Variants in SLC45A4 observed in about 807,000 individuals in gnomAD.
SLC45A4 encodes solute carrier family 45 member 4.
A neutral mutation model predicts 63.7 loss-of-function variants in SLC45A4; 32 were observed. The observed-to-expected ratio is 0.50, with a 90% CI of 0.38 to 0.67. The LOEUF is 0.67. Among genes scored for constraint, SLC45A4 ranks in the 30% least tolerant of loss-of-function variants. The pLI is 0.00. For synonymous variants in SLC45A4, 535 were observed against 510.0 expected (o/e 1.05, Z -0.66); for missense variants, 1,027 against 1,157.7 (o/e 0.89, Z 1.64).
At chr8:141,303,290 C>G (rs1830803997) in intron 1 of SLC45A4, among the ~76,000 whole-genome samples, 1 of 150,040 alleles carries the variant, frequency 6.7e-6, no homozygotes, top group South Asian at 2.1e-4. Context: ...TGCCATCGTG[C>G]CCGGCTAATT....
intron 1 of SLC45A4, among the ~76,000 whole-genome samples, chr8:141,258,159 G>A (rs1327891259): frequency 4.8e-5 from 7 of 146,678 alleles, no homozygotes; most frequent in Non-Finnish European, 7.4e-5. Context: ...CGCTGGATCT[G>A]CCCCCTGGGT....
chr8:141,267,064 C>T (rs1193144564), intron 1 of SLC45A4, among the ~76,000 whole-genome samples: 3 of 152,206 alleles, frequency 2.0e-5, no homozygotes, highest in Non-Finnish European at 4.4e-5. Context: ...CCCTGAACTG[C>T]GGGGGCTGGC....
intron 1 of SLC45A4, among the ~76,000 whole-genome samples, chr8:141,282,915 G>C (rs960956117): frequency 6.6e-6 from 1 of 152,232 alleles, no homozygotes; most frequent in African/African-American, 2.4e-5. Flanking sequence ...GGGGTCACAC[G>C]ATGTCAGCGC....
intron 2 of SLC45A4, among the ~76,000 whole-genome samples, chr8:141,231,822 T>G (rs1218367044): frequency 1.3e-5 from 2 of 152,202 alleles, no homozygotes; most frequent in Non-Finnish European, 2.9e-5. Flanking sequence ...GACTGCTCTG[T>G]GTGCGCGAAG....
At position 141,211,081 on chromosome 8, in the gene SLC45A4, G is replaced by C. The variant is rs924786728; in HGVS notation, c.*491C>G. ...ATGGAGTTCCGACAGGTTCCAGCAC[G>C]CATGTCCCCTTCGCAAGCGGGGGAG... is the stretch of plus-strand genomic sequence containing the variant. On this transcript the variant is annotated 3_prime_UTR_variant, in exon 9 of 9. Coordinates refer to ENST00000517878, the MANE Select transcript of SLC45A4 (RefSeq NM_001286646.2). 1 of 195,718 alleles carries C rather than the reference G, an allele frequency of 5.1e-6. No individual in the cohort carries two copies. The highest frequency in any genetic ancestry group is 1.0e-5 in the Non-Finnish European group (1 of 96,186). The allele number at this position is 195,718 out of a possible 1,614,324, so 12.1% of individuals were successfully genotyped here. A position where few individuals can be genotyped will look rare whatever the true frequency, so the allele number is the denominator to read the frequency against.
chr8:141,223,388 C>A (rs961170879), intron 2 of SLC45A4, among the ~76,000 whole-genome samples: 3 of 152,212 alleles, frequency 2.0e-5, no homozygotes, highest in Non-Finnish European at 4.4e-5. Context: ...TAATAATGAT[C>A]CATCAGGAAG....
intron 2 of SLC45A4, among the ~76,000 whole-genome samples, chr8:141,252,742 T>C (rs74983423): frequency 5.3e-5 from 6 of 113,158 alleles, no homozygotes; most frequent in South Asian, 2.9e-4. Flanking sequence ...CGTGTTTTCA[T>C]GCCCACCTGC....
At chr8:141,237,869 C>T (rs1281537736) in intron 2 of SLC45A4, among the ~76,000 whole-genome samples, 4 of 152,168 alleles carry the variant, frequency 2.6e-5, no homozygotes, top group Admixed American at 6.5e-5. Context: ...GTAGGTGCTC[C>T]GTAAGTACTT....
At chr8:141,283,506 A>G (rs1309480343) in intron 1 of SLC45A4, among the ~76,000 whole-genome samples, 1 of 152,266 alleles carries the variant, frequency 6.6e-6, no homozygotes, top group Non-Finnish European at 1.5e-5. Context: ...TGGATGTCCC[A>G]ACCGCTCCAG....
At position 141,212,381 on chromosome 8, in the gene SLC45A4, C is replaced by T; in HGVS notation, c.2117G>A (p.Gly706Asp). 4 of 1,613,702 alleles carry T rather than the reference C, an allele frequency of 2.5e-6. No homozygotes were observed. Among genetic ancestry groups the T allele is most frequent in the Non-Finnish European group, 3.4e-6 (4 of 1,180,032 alleles). Reference sequence around the variant, plus strand: ...CACCAGGAATGTGGCCGTCAGGAAGCCCAGGAAAGAGCCCACAGAGGCCAC... The same window carrying T: ...CACCAGGAATGTGGCCGTCAGGAAGTCCAGGAAAGAGCCCACAGAGGCCAC... ...PMVASVGSFL[G>D]FLTATFLVIY... Residue 706 changes from glycine (G) to aspartate (D), a missense_variant, in exon 8 of 9, where the codon GGC becomes GAC. By Grantham distance (94) the Gly-to-Asp change is moderately conservative. Transcript: ENST00000517878.
intron 1 of SLC45A4, among the ~76,000 whole-genome samples, chr8:141,282,444 T>C (rs1427675155): frequency 1.3e-5 from 2 of 152,188 alleles, no homozygotes; most frequent in Non-Finnish European, 2.9e-5. Context: ...TCCACCAAAC[T>C]GCACTTCTGA....
At chr8:141,212,015 T>C (rs1240103817) in intron 8 of SLC45A4, 182 bp downstream of exon 8, 1 of 1,318,676 alleles carries the variant, frequency 7.6e-7, no homozygotes, top group Non-Finnish European at 9.6e-7. Context: ...AGCTCAAACC[T>C]ACCCTACGAC....
Position 141,227,352 on chromosome 8 carries a change from C to T in SLC45A4, c.242-5587G>A, listed in dbSNP as rs767582483. ...TGGGGAGGGCAAGGAGTGGGAAAGT[C>T]GCCTATAAATGTTTAACAAAAGATC... On this transcript the variant is annotated intron_variant, in intron 2 of 8. Transcript: ENST00000517878. This position sits in a 1 kb window ranked among gnomAD's most constrained non-coding sequence, Gnocchi z 4.4. 1.3e-5 allele frequency among the ~76,000 whole-genome samples: 2 copies of T among 152,074 alleles called. No individual in the cohort carries two copies. Among genetic ancestry groups the T allele is most frequent in the Non-Finnish European group, 2.9e-5 (2 of 68,022 alleles).
At position 141,256,284 on chromosome 8, in the gene SLC45A4, A is replaced by G. The variant is rs900994158; in HGVS notation, c.-400-1655T>C. 1.3e-5 allele frequency among the ~76,000 whole-genome samples: 2 copies of G among 152,210 alleles called. No homozygotes were observed. Among genetic ancestry groups the G allele is most frequent in the Admixed American group, 1.3e-4 (2 of 15,286 alleles). ...CTGAAGTGTTAGAGCCCCTAAAAACACACCTAAATGGTGTTCACAGTTTAT... is the reference window on the plus strand; with the variant it reads ...CTGAAGTGTTAGAGCCCCTAAAAACGCACCTAAATGGTGTTCACAGTTTAT... On this transcript the variant is annotated intron_variant, in intron 1 of 8. Coordinates refer to ENST00000517878, the MANE Select transcript of SLC45A4 (RefSeq NM_001286646.2). This position sits in a 1 kb window ranked among gnomAD's most constrained non-coding sequence, Gnocchi z 4.3.
rs575879209 is a variant in SLC45A4 at position 141,294,791 on chromosome 8, G to C, written c.-401+13305C>G. ...CCCAGTTGGTGCGGGACCCCTGGGA[G>C]GGAGGCACCCTGGGAGGGAATCAGC... On this transcript the variant is annotated intron_variant, in intron 1 of 8. Transcript: ENST00000517878. Among the ~76,000 whole-genome samples, 13 of 152,292 alleles carry C rather than the reference G, an allele frequency of 8.5e-5. No homozygotes were observed. In the East Asian group the frequency reaches 2.5e-3, roughly 29 times the overall value.
At chr8:141,248,924 G>A (rs1275110734) in intron 2 of SLC45A4, among the ~76,000 whole-genome samples, 2 of 151,902 alleles carry the variant, frequency 1.3e-5, no homozygotes, top group Non-Finnish European at 2.9e-5. Context: ...GGCTGAGGTG[G>A]GAGAATCAGC....
chr8:141,264,543 G>A (rs1829181454), intron 1 of SLC45A4, among the ~76,000 whole-genome samples: 1 of 152,142 alleles, frequency 6.6e-6, no homozygotes, highest in Non-Finnish European at 1.5e-5. Flanking sequence ...TTATGAGCAC[G>A]TGAACTTTTG....
chr8:141,225,832 C>T (rs924840029), intron 2 of SLC45A4: 17 of 152,780 alleles, frequency 1.1e-4, no homozygotes, highest in African/African-American at 4.1e-4. Flanking sequence ...GACCCGGCCC[C>T]AGGCCTCCCT....
intron 1 of SLC45A4, among the ~76,000 whole-genome samples, chr8:141,273,780 C>T (rs995749313): frequency 2.3e-4 from 35 of 152,202 alleles, no homozygotes; most frequent in African/African-American, 7.9e-4. Flanking sequence ...TAGTGAACGT[C>T]GTGCTACGAA....
Sources: allele counts gnomAD v4.1 joint callset (sites outside exome capture counted in the v4.1 genomes callset), GRCh38; gene constraint gnomAD v4.1.1; non-coding constraint Gnocchi (gnomAD v3.1); transcripts MANE v1.5; gene names NCBI Gene and HGNC (gene_info 2026-07-23, HGNC 2026-07-21).